HMGN3: variants seen among roughly 807,000 people sequenced by gnomAD.
HMGN3 encodes high mobility group nucleosomal binding domain 3, also known as high mobility group nucleosome-binding domain-containing protein 3.
A neutral mutation model predicts 18.8 loss-of-function variants in HMGN3; 6 were observed. The ratio of observed to expected loss-of-function variants is 0.32; its 90% CI spans 0.18 to 0.63. HMGN3 has a LOEUF of 0.63. Ranked by LOEUF, HMGN3 falls within the 30% of genes least tolerant of loss-of-function variation. HMGN3 has a pLI of 0.79. For missense variants in HMGN3, 107 were observed against 114.2 expected, an observed-to-expected ratio of 0.94 and a Z score of 0.29; for synonymous variants, 40 against 36.5, an observed-to-expected ratio of 1.10 and a Z score of -0.35.
intron 1 of HMGN3, among the ~76,000 whole-genome samples, chr6:79,219,985 A>G (rs982735546): frequency 3.3e-5 from 5 of 152,194 alleles, no homozygotes; most frequent in Non-Finnish European, 5.9e-5. Context: ...ATTAAAATTA[A>G]ATAACAAATT....
intron 2 of HMGN3, among the ~76,000 whole-genome samples, chr6:79,210,309 G>A (rs530007291): frequency 6.6e-6 from 1 of 152,148 alleles, no homozygotes; most frequent in Non-Finnish European, 1.5e-5. Flanking sequence ...CAGCTTTGAA[G>A]CTTCAGTGTG....
In HMGN3 at chr6:79,224,429, T is replaced by C. The variant is rs536011038; in HGVS notation, c.16-9407A>G. Among the ~76,000 whole-genome samples the C allele has an allele frequency of 4.7e-4, 71 of 152,358 alleles. 1 individual carries two copies. The highest frequency in any genetic ancestry group is 4.1e-3 in the Admixed American group (63 of 15,308). ...AGTGCTTCCTATTCTCCATCATTCA[T>C]GAGCCTCTTGAAATAATAACAAACA... On this transcript the variant is annotated intron_variant, in intron 1 of 5. Coordinates refer to ENST00000344726, the Ensembl canonical transcript of HMGN3.
At chr6:79,217,276 C>CGG (rs1397537227) in intron 1 of HMGN3, among the ~76,000 whole-genome samples, 1 of 152,110 alleles carries the variant, frequency 6.6e-6, no homozygotes, top group African/African-American at 2.4e-5. Context: ...CAATCTTTAC[C>CGG]GGGGATCAGT....
chr6:79,214,400 A>T (rs1379963788), intron 2 of HMGN3, among the ~76,000 whole-genome samples: 1 of 151,820 alleles, frequency 6.6e-6, no homozygotes, highest in Non-Finnish European at 1.5e-5. Context: ...ATGGGGTTTC[A>T]CCGTGTTAGC....
At chr6:79,212,553 C>G (rs1218106781) in intron 2 of HMGN3, among the ~76,000 whole-genome samples, 1 of 152,222 alleles carries the variant, frequency 6.6e-6, no homozygotes, top group African/African-American at 2.4e-5. Flanking sequence ...GAGGAATAAT[C>G]TGCCTTCCTC....
intron 1 of HMGN3, among the ~76,000 whole-genome samples, chr6:79,225,763 G>A (rs1425161951): frequency 1.3e-5 from 2 of 152,162 alleles, no homozygotes; most frequent in South Asian, 2.1e-4. Context: ...TGTGTATCTT[G>A]TCTACAACCC....
chr6:79,213,160 A>G (rs2127822651), intron 2 of HMGN3, among the ~76,000 whole-genome samples: 1 of 152,190 alleles, frequency 6.6e-6, no homozygotes, highest in South Asian at 2.1e-4. Flanking sequence ...GAATCACTTG[A>G]GCCAGGGAGA....
intron 1 of HMGN3, among the ~76,000 whole-genome samples, chr6:79,227,953 A>G (rs1475133084): frequency 1.3e-5 from 2 of 152,232 alleles, no homozygotes; most frequent in African/African-American, 4.8e-5. Context: ...TTACAAAACA[A>G]AATTAAATCA....
At chr6:79,225,127 T>C (rs1318182209) in intron 1 of HMGN3, among the ~76,000 whole-genome samples, 3 of 152,190 alleles carry the variant, frequency 2.0e-5, no homozygotes, top group Non-Finnish European at 4.4e-5. Flanking sequence ...CCCATATACA[T>C]CATGCCTTAC....
exon 1 of HMGN3, chr6:79,234,627 C>G (rs1778057448): frequency 6.7e-7 from 1 of 1,497,704 alleles, no homozygotes; most frequent in Non-Finnish European, 9.3e-7. Context: ...CCGCTGGATG[C>G]TGCCTCTGCC....
At chr6:79,233,510 AC>A (rs1403285768) in intron 1 of HMGN3, among the ~76,000 whole-genome samples, 3 of 152,210 alleles carry the variant, frequency 2.0e-5, no homozygotes, top group African/African-American at 7.2e-5. Flanking sequence ...ACACTCGTTG[AC>A]ACTGTTGGAA....
chr6:79,224,532 C>T (rs772190885), intron 1 of HMGN3, among the ~76,000 whole-genome samples: 7 of 152,132 alleles, frequency 4.6e-5, no homozygotes, highest in East Asian at 1.9e-4. Context: ...GTCATACGCA[C>T]GGATCTGGTT....
rs562116876 is a variant in HMGN3 at position 79,213,245 on chromosome 6, AAAAATAAAAT to A, written c.66+1717_66+1726del. ...GATGACAGAGTGAGATGCTATCTCA[AAAAATAAAAT>A]AAAATAAAATAAAATAATATGTATA... On this transcript the variant is annotated intron_variant, in intron 2 of 5. Coordinates refer to ENST00000344726, the Ensembl canonical transcript of HMGN3. Among the ~76,000 whole-genome samples, 6 of 151,746 alleles carry A rather than the reference AAAAATAAAAT, an allele frequency of 4.0e-5. No individual in the cohort carries two copies. The South Asian group carries it at 1.2e-3, about 31-fold the overall frequency.
At chr6:79,223,598 T>C in intron 1 of HMGN3, among the ~76,000 whole-genome samples, 1 of 152,120 alleles carries the variant, frequency 6.6e-6, no homozygotes, top group East Asian at 1.9e-4. Context: ...CCCAGATACT[T>C]GGGAGGCTGA....
intron 1 of HMGN3, among the ~76,000 whole-genome samples, chr6:79,223,664 C>T (rs1777416720): frequency 6.6e-6 from 1 of 151,598 alleles, no homozygotes; most frequent in Non-Finnish European, 1.5e-5. Context: ...TCTAGCCTGT[C>T]TTGTCTCAAA....
chr6:79,217,662 T>C (rs1777058644), intron 1 of HMGN3, among the ~76,000 whole-genome samples: 2 of 152,168 alleles, frequency 1.3e-5, no homozygotes, highest in Non-Finnish European at 2.9e-5. Context: ...AGGTAGACTA[T>C]TTTGGAAAGA....
chr6:79,211,465 GTTTTT>G (rs58861121), intron 2 of HMGN3, among the ~76,000 whole-genome samples: 1 of 135,362 alleles, frequency 7.4e-6, no homozygotes, highest in Non-Finnish European at 1.6e-5. Context: ...AATTTCTCTT[GTTTTT>G]TTTTTTTTTT....
chr6:79,223,753 A>G (rs1364896440), intron 1 of HMGN3, among the ~76,000 whole-genome samples: 2 of 107,118 alleles, frequency 1.9e-5, no homozygotes, highest in South Asian at 3.2e-4. Context: ...TTTTTTTTTT[A>G]TGTGCTGTGG....
intron 5 of HMGN3, 29 bp from the exon 7 acceptor site, chr6:79,201,755 A>G (rs776218235): frequency 6.2e-7 from 1 of 1,605,084 alleles, no homozygotes; most frequent in Non-Finnish European, 8.5e-7. Context: ...AAAAAAACAT[A>G]TAGTTACTAC....
Sources: gnomAD v4.1 joint callset for allele counts (sites outside exome capture counted in the v4.1 genomes callset) on GRCh38, gnomAD v4.1.1 for gene constraint, MANE v1.5 for transcripts, NCBI Gene and HGNC (gene_info 2026-07-23, HGNC 2026-07-21) for gene names.